Variants in RTL1 observed in about 807,000 individuals in gnomAD.
The protein encoded by RTL1 is retrotransposon-like protein 1.
For synonymous variants in RTL1, 727 were observed against 748.4 expected (o/e 0.97, Z 0.47); for missense variants, 1,681 against 1,767.5 (o/e 0.95, Z 0.88).
At chr14:100,891,236 C>G (rs960867921) in intron 3 of RTL1, among the ~76,000 whole-genome samples, 1 of 152,226 alleles carries the variant, frequency 6.6e-6, no homozygotes, top group Non-Finnish European at 1.5e-5. Flanking sequence ...CGACTTGAGC[C>G]TTACAGGGTG....
rs1474614932 is a variant in RTL1, at chr14:100,903,276, C to T, written c.-149+15G>A. On this transcript the variant is annotated intron_variant, in intron 2 of 3. Coordinates refer to ENST00000649591, the MANE Select transcript of RTL1 (RefSeq NM_001134888.3). ...ATCCATGCACTCATTCTCCAAGCCA[C>T]CACAGTGTACCTACCTTCCCCGGGC... Among the ~76,000 whole-genome samples the T allele has an allele frequency of 2.0e-5, 3 of 152,122 alleles. No homozygotes were observed. The highest frequency in any genetic ancestry group is 2.1e-4 in the South Asian group (1 of 4,816).
At chr14:100,894,300 A>C (rs1203330542) in intron 2 of RTL1, among the ~76,000 whole-genome samples, 2 of 141,606 alleles carry the variant, frequency 1.4e-5, no homozygotes, top group East Asian at 4.1e-4. Flanking sequence ...ACAGAGTGAA[A>C]CTCCGTCTCA....
intron 3 of RTL1, among the ~76,000 whole-genome samples, chr14:100,887,293 A>C (rs2038707982): frequency 6.6e-6 from 1 of 152,200 alleles, no homozygotes; most frequent in African/African-American, 2.4e-5. Context: ...CTCCCTTGCA[A>C]GATACACGAA....
chr14:100,896,411 C>T (rs2038856907), intron 2 of RTL1, among the ~76,000 whole-genome samples: 1 of 152,068 alleles, frequency 6.6e-6, no homozygotes, highest in Non-Finnish European at 1.5e-5. Flanking sequence ...GAGGGTGCCA[C>T]CCGACTGGGT....
At chr14:100,898,533 C>G (rs374664928) in intron 2 of RTL1, among the ~76,000 whole-genome samples, 17 of 152,242 alleles carry the variant, frequency 1.1e-4, no homozygotes, top group Non-Finnish European at 2.4e-4. Context: ...CTTCCTGGAG[C>G]TTCCGGGACG....
In RTL1 at chr14:100,881,737, C is replaced by T; in HGVS notation, c.3052G>A (p.Ala1018Thr). 1.2e-6 allele frequency: 2 copies of T among 1,607,294 alleles called. No individual in the cohort carries two copies. Among genetic ancestry groups the T allele is most frequent in the Admixed American group, 1.7e-5 (1 of 58,334 alleles). The change falls in exon 4 of 4, where the codon GCC (alanine) becomes ACC (threonine). Residue 1018 changes from alanine to threonine, a missense_variant. Coordinates refer to ENST00000649591, the MANE Select transcript of RTL1 (RefSeq NM_001134888.3). The surrounding 1 kb of genome is among the most constrained non-coding windows in gnomAD (Gnocchi z 6.6). ...NTAARQTLLL[A>T]SRGFPRDPST... ...GGATCCCTGGGGAATCCCCTTGAGG[C>T]CAGCAGCAGGGTTTGCCTGGCGGCA... is the stretch of plus-strand genomic sequence containing the variant.
chr14:100,883,649 G>C lies in RTL1; in HGVS notation c.1140C>G (p.Thr380=), dbSNP rs1335467520. Residue 380 remains threonine, a synonymous_variant, in exon 4 of 4, where the codon ACC becomes ACG. Coordinates refer to ENST00000649591, the MANE Select transcript of RTL1 (RefSeq NM_001134888.3). This position sits in a 1 kb window ranked among gnomAD's most constrained non-coding sequence, Gnocchi z 5.9. ...TCTCTGGAGCAGGTGAGTCGATCCA[G>C]GTCAGGTTCCGGGGGCGGGCCTCGG... ...LPPEARPRNL[T]WIDSPAPERW... The C allele has an allele frequency of 6.4e-7, 1 of 1,551,276 alleles. No individual in the cohort carries two copies. The highest frequency in any genetic ancestry group is 1.4e-5 in the African/African-American group (1 of 73,070).
At chr14:100,889,831 C>A (rs7146957) in intron 3 of RTL1, 23,215 of 152,102 alleles carry the variant, frequency 0.15, 2,463 homozygotes, top group Middle Eastern at 0.34. Context: ...TCTGGGAGGG[C>A]TTTGGGCGTT....
intron 2 of RTL1, among the ~76,000 whole-genome samples, chr14:100,902,611 C>T (rs957056502): frequency 3.3e-5 from 4 of 119,834 alleles, no homozygotes; most frequent in East Asian, 2.1e-4. Flanking sequence ...CCTGCAGTAG[C>T]AGCAGCAGCA....
chr14:100,891,624 C>A (rs1386450883), intron 3 of RTL1, among the ~76,000 whole-genome samples: 1 of 152,220 alleles, frequency 6.6e-6, no homozygotes, highest in Non-Finnish European at 1.5e-5. Context: ...CCAGAATAAC[C>A]CTGGGAAGGG....
Position 100,882,937 on chromosome 14 carries a change from G to A in RTL1, c.1852C>T (p.Pro618Ser). The A allele has an allele frequency of 1.2e-6, 2 of 1,612,520 alleles. No homozygotes were observed. The highest frequency in any genetic ancestry group is 1.7e-6 in the Non-Finnish European group (2 of 1,179,382). ...YECPSTAPWE[P>S]VGARMQERAR... ...CTTTCTTGCATCCTGGCACCCACAG[G>A]TTCCCAAGGCGCGGTGGAGGGACAC... Residue 618 changes from proline to serine, a missense_variant, in exon 4 of 4, where the codon CCT (proline) becomes TCT (serine). Physicochemically the swap from Pro to Ser is moderately conservative, Grantham distance 74. Transcript: ENST00000649591.
intron 2 of RTL1, among the ~76,000 whole-genome samples, chr14:100,900,566 CG>C (rs2038927942): frequency 6.6e-6 from 1 of 152,194 alleles, no homozygotes. Flanking sequence ...CCTCAAGCAA[CG>C]GGGCAAGGGA....
chr14:100,897,781 G>GGGGGGGGGGGGGGGGGGGGGT (rs2038887138), intron 2 of RTL1: 1 of 174,686 alleles, frequency 5.7e-6, no homozygotes, highest in African/African-American at 2.6e-5. Flanking sequence ...TGGGGGGCGG[G>GGGGGGGGGGGGGGGGGGGGGT]GGGGGGCAGT....
chr14:100,903,193 C>T (rs2038966492), intron 2 of RTL1, among the ~76,000 whole-genome samples, 98 bp downstream of exon 2: 1 of 152,138 alleles, frequency 6.6e-6, no homozygotes, highest in Non-Finnish European at 1.5e-5. Context: ...AGACAGGGGT[C>T]TGGGGAGGAG....
chr14:100,895,862 C>G (rs1019239338), intron 2 of RTL1, among the ~76,000 whole-genome samples: 3 of 152,178 alleles, frequency 2.0e-5, no homozygotes, highest in Admixed American at 2.0e-4. Flanking sequence ...CACCTGAGGC[C>G]AGGAGTTTGA....
At position 100,884,610 on chromosome 14, in the gene RTL1, C is replaced by A; in HGVS notation, c.179G>T (p.Ser60Ile). The change falls in exon 4 of 4, where the codon AGT becomes ATT. Residue 60 changes from serine (S) to isoleucine (I), a missense_variant. By Grantham distance (142) the Ser-to-Ile change is moderately radical (BLOSUM62 -2). Coordinates refer to ENST00000649591, the MANE Select transcript of RTL1 (RefSeq NM_001134888.3). The part of the protein sequence containing the change: ...GPAQEKKEPP[S>I]GPLQEMEELP... ...CTCTTCCATTTCCTGGAGTGGGCCACTGGGGGGCTCCTTCTTTTCCTGGGC... is the reference window on the plus strand; with the variant it reads ...CTCTTCCATTTCCTGGAGTGGGCCAATGGGGGGCTCCTTCTTTTCCTGGGC... 6.2e-7 allele frequency: 1 copy of A among 1,613,846 alleles called. No homozygotes were observed. The highest frequency in any genetic ancestry group is 1.7e-4 in the Middle Eastern group (1 of 6,054).
At chr14:100,897,863 CATT>C (rs2038890108) in intron 2 of RTL1, 6 of 432,286 alleles carry the variant, frequency 1.4e-5, no homozygotes, top group Non-Finnish European at 2.9e-5. Context: ...GTGTTTATGA[CATT>C]ATTATAAATG....
Position 100,883,947 on chromosome 14 carries a change from C to T in RTL1, c.842G>A (p.Arg281His), listed in dbSNP as rs769236777. ...LEAMSEVFEY[R>H]QALRVAEEAM... The stretch of plus-strand genomic sequence containing the variant: ...CTCTTCTGCCACACGCAGTGCCTGG[C>T]GGTACTCAAACACTTCGGACATGGC... Residue 281 changes from arginine to histidine, a missense_variant, in exon 4 of 4, where the codon CGC becomes CAC. Coordinates refer to ENST00000649591, the MANE Select transcript of RTL1 (RefSeq NM_001134888.3). The surrounding 1 kb of genome is among the most constrained non-coding windows in gnomAD (Gnocchi z 5.9). The T allele has an allele frequency of 3.2e-6, 5 of 1,551,464 alleles. No homozygotes were observed. Among genetic ancestry groups the T allele is most frequent in the Admixed American group, 2.0e-5 (1 of 50,986 alleles).
At chr14:100,886,611 A>G (rs1198928207) in intron 3 of RTL1, among the ~76,000 whole-genome samples, 1 of 152,242 alleles carries the variant, frequency 6.6e-6, no homozygotes, top group Non-Finnish European at 1.5e-5. Flanking sequence ...ATCATGATGT[A>G]CATAGCACAT....
Sources: gnomAD v4.1 joint callset for allele counts (sites outside exome capture counted in the v4.1 genomes callset) on GRCh38, gnomAD v4.1.1 for gene constraint, Gnocchi (gnomAD v3.1) non-coding constraint, MANE v1.5 for transcripts, NCBI Gene and HGNC (gene_info 2026-07-23, HGNC 2026-07-21) for gene names.